The following SUSD5 variants were observed in gnomAD, a reference collection of about 807,000 sequenced individuals.
The protein encoded by SUSD5 is sushi domain containing 5.
SUSD5 carries 33 observed loss-of-function variants against 29.5 expected under a neutral mutation model. That is an observed-to-expected ratio of 1.12 (90% CI 0.85 to 1.49). The LOEUF is 1.49. Ranked by LOEUF, SUSD5 falls within the 40% of genes most tolerant of loss-of-function variation. SUSD5 has a pLI of 0.00. For missense variants in SUSD5, 776 were observed against 800.6 expected (o/e 0.97, Z 0.37); for synonymous variants, 308 against 325.3 (o/e 0.95, Z 0.57).
At chr3:33,203,855 T>C (rs1215774241) in intron 3 of SUSD5, among the ~76,000 whole-genome samples, 1 of 148,900 alleles carries the variant, frequency 6.7e-6, no homozygotes, top group Non-Finnish European at 1.5e-5. Flanking sequence ...GGTTTATTTC[T>C]GTCTGCTGCT....
At chr3:33,185,484 C>T (rs4621286) in intron 3 of SUSD5, among the ~76,000 whole-genome samples, 37,589 of 152,098 alleles carry the variant, frequency 0.25, 5,120 homozygotes, top group East Asian at 0.43. Context: ...ATTACAGCTA[C>T]GTTTTCCTAC....
chr3:33,157,770 A>G (rs188303717), intron 4 of SUSD5, among the ~76,000 whole-genome samples: 1 of 152,340 alleles, frequency 6.6e-6, no homozygotes, highest in African/African-American at 2.4e-5. Flanking sequence ...TGGATGCTGA[A>G]GGATAAAAGA....
rs1020288421 is a variant in SUSD5, at chr3:33,151,548, C to T, written c.*1194G>A. The T allele has an allele frequency of 2.0e-5, 3 of 149,264 alleles. No individual in the cohort carries two copies. Among genetic ancestry groups the T allele is most frequent in the African/African-American group, 7.4e-5 (3 of 40,590 alleles). The allele number at this position is 149,264 out of a possible 1,614,324, so 9.2% of individuals were successfully genotyped here. On this transcript the variant is annotated 3_prime_UTR_variant, in exon 5 of 5. Coordinates refer to ENST00000309558, the MANE Select transcript of SUSD5 (RefSeq NM_015551.2). ...GGTGTTCGGCCCTCTGAAAACATTT[C>T]TTTTTTTTTTCTCCCGTGTCATTCT... is the stretch of plus-strand genomic sequence containing the variant.
intron 3 of SUSD5, among the ~76,000 whole-genome samples, chr3:33,197,790 T>G (rs188212883): frequency 2.0e-3 from 301 of 152,358 alleles, no homozygotes; most frequent in African/African-American, 6.8e-3. Context: ...TGCTTTTGCA[T>G]GTATTAATAT....
intron 3 of SUSD5, among the ~76,000 whole-genome samples, chr3:33,176,057 A>G (rs531890612): frequency 6.6e-6 from 1 of 152,102 alleles, no homozygotes; most frequent in African/African-American, 2.4e-5. Flanking sequence ...CTGTCTCCAT[A>G]GTTTGCCTTT....
chr3:33,181,152 CTAATT>C (rs2125623024), intron 3 of SUSD5, among the ~76,000 whole-genome samples: 1 of 151,984 alleles, frequency 6.6e-6, no homozygotes, highest in Admixed American at 6.5e-5. Flanking sequence ...TAAACTAAAG[CTAATT>C]TATTACTGAT....
chr3:33,173,481 G>A (rs2125620176), intron 4 of SUSD5, among the ~76,000 whole-genome samples: 1 of 152,350 alleles, frequency 6.6e-6, no homozygotes, highest in Middle Eastern at 3.4e-3. Flanking sequence ...ACCAACAGCT[G>A]ATTGGATAAA....
At chr3:33,164,287 C>T (rs772300774) in intron 4 of SUSD5, among the ~76,000 whole-genome samples, 3 of 152,084 alleles carry the variant, frequency 2.0e-5, no homozygotes, top group Non-Finnish European at 4.4e-5. Context: ...TGATAGTAGT[C>T]ACATTTATAG....
At chr3:33,197,544 A>AACC (rs146453981) in intron 3 of SUSD5, among the ~76,000 whole-genome samples, 3 of 152,116 alleles carry the variant, frequency 2.0e-5, no homozygotes, top group South Asian at 2.1e-4. Context: ...CCAATTGTAT[A>AACC]ACCACCACCA....
chr3:33,185,956 A>C (rs1575537100), intron 3 of SUSD5, among the ~76,000 whole-genome samples: 1 of 152,092 alleles, frequency 6.6e-6, no homozygotes, highest in East Asian at 1.9e-4. Context: ...CAATTAAAAA[A>C]AATTCAAATT....
intron 1 of SUSD5, among the ~76,000 whole-genome samples, chr3:33,217,920 A>G (rs1454488250): frequency 6.6e-6 from 1 of 152,216 alleles, no homozygotes; most frequent in Non-Finnish European, 1.5e-5. Flanking sequence ...CTAATATGAA[A>G]ACACAGCTGA....
intron 3 of SUSD5, among the ~76,000 whole-genome samples, chr3:33,176,778 G>A (rs1338872164): frequency 6.6e-6 from 1 of 152,174 alleles, no homozygotes; most frequent in African/African-American, 2.4e-5. Flanking sequence ...TGTGAAGGGT[G>A]TAAGGTCTGC....
chr3:33,175,311 T>C (rs2125620890), intron 3 of SUSD5, among the ~76,000 whole-genome samples: 1 of 152,272 alleles, frequency 6.6e-6, no homozygotes, highest in South Asian at 2.1e-4. Flanking sequence ...GCTGCAACTT[T>C]GCATTTTAAA....
At chr3:33,207,398 T>TAA (rs781473821) in intron 3 of SUSD5, among the ~76,000 whole-genome samples, 4 of 152,170 alleles carry the variant, frequency 2.6e-5, no homozygotes, top group Non-Finnish European at 5.9e-5. Flanking sequence ...TGGAACCTTT[T>TAA]GCCTGTGCAC....
intron 3 of SUSD5, among the ~76,000 whole-genome samples, chr3:33,181,710 A>G (rs1462098001): frequency 6.6e-6 from 1 of 152,002 alleles, no homozygotes; most frequent in Non-Finnish European, 1.5e-5. Context: ...CTGTATTTTT[A>G]CTGTACCTTT....
chr3:33,176,311 T>C (rs552411216), intron 3 of SUSD5, among the ~76,000 whole-genome samples: 19 of 152,352 alleles, frequency 1.2e-4, no homozygotes, highest in Admixed American at 7.2e-4. Context: ...TACACATCCA[T>C]TTACAGGTTT....
Position 33,151,363 on chromosome 3 carries a change from T to C in SUSD5, c.*1379A>G, listed in dbSNP as rs2030873362. On this transcript the variant is annotated 3_prime_UTR_variant, in exon 5 of 5. Transcript: ENST00000309558. ...TCCTCGCTGAGCCACCCTAAGATGA[T>C]TTAGATGCTACGAAATGGGTTACCC... 1 of 152,210 alleles carries C rather than the reference T, an allele frequency of 6.6e-6. No individual in the cohort carries two copies. The highest frequency in any genetic ancestry group is 1.9e-4 in the East Asian group (1 of 5,192). The allele number at this position is 152,210 out of a possible 1,614,324, so 9.4% of individuals were successfully genotyped here.
intron 2 of SUSD5, among the ~76,000 whole-genome samples, chr3:33,213,224 T>C (rs534483064): frequency 3.0e-4 from 46 of 151,870 alleles, no homozygotes; most frequent in African/African-American, 1.1e-3. Flanking sequence ...CTGGGCAACA[T>C]AGCAAGCATT....
At chr3:33,208,023 T>TC in intron 2 of SUSD5, 97 bp from the exon 3 acceptor site, 1 of 861,382 alleles carries the variant, frequency 1.2e-6, no homozygotes, top group Non-Finnish European at 1.8e-6. Flanking sequence ...TCAGCAGAGA[T>TC]TTTTCTGATT....
Sources: allele counts gnomAD v4.1 joint callset (sites outside exome capture counted in the v4.1 genomes callset), GRCh38; gene constraint gnomAD v4.1.1; transcripts MANE v1.5; gene names NCBI Gene and HGNC (gene_info 2026-07-23, HGNC 2026-07-21).